Variants in ZBTB20 observed in about 807,000 individuals in gnomAD.
ZBTB20 encodes zinc finger and BTB domain-containing protein 20.
A neutral mutation model predicts 56.9 loss-of-function variants in ZBTB20; 9 were observed. That is an observed-to-expected ratio of 0.16 (90% CI 0.10 to 0.28). The LOEUF is 0.28. Among genes scored for constraint, ZBTB20 ranks in the 10% least tolerant of loss-of-function variants. The pLI is 1.00. For missense variants in ZBTB20, 655 were observed against 1,003.0 expected (o/e 0.65, Z 4.69); for synonymous variants, 417 against 420.7 (o/e 0.99, Z 0.11).
chr3:114,453,388 A>G (rs1478252861), intron 7 of ZBTB20, among the ~76,000 whole-genome samples: 1 of 152,152 alleles, frequency 6.6e-6, no homozygotes, highest in East Asian at 1.9e-4. Flanking sequence ...AATAACTGAC[A>G]AGTGACACAA....
In ZBTB20 at chr3:114,351,804, C is replaced by T; in HGVS notation, c.274G>A (p.Glu92Lys). ...NLHNFSNSVL[E>K]TLNEQRNRGH... ...CGGTTGCGCTGCTCGTTGAGGGTCT[C>T]GAGCACGGAATTGCTGAAGTTGTGA... Residue 92 changes from glutamate to lysine, a missense_variant, in exon 11 of 12, where the codon GAG becomes AAG. Glu to Lys is a moderately conservative substitution (Grantham distance 56, BLOSUM62 1). Coordinates refer to ENST00000675478, the MANE Select transcript of ZBTB20 (RefSeq NM_001348800.3). 4.4e-6 allele frequency: 7 copies of T among 1,607,826 alleles called. No individual in the cohort carries two copies. Among genetic ancestry groups the T allele is most frequent in the Non-Finnish European group, 6.0e-6 (7 of 1,174,720 alleles).
rs147140279 is a variant in ZBTB20, at chr3:114,702,335, G to A, written c.-342-8760C>T. On this transcript the variant is annotated intron_variant, in intron 5 of 11. Transcript: ENST00000675478. ...TGCACTCCAGTCTGAGCGAGAGAAC[G>A]AGACCCTGTCTCAAACCCTCCACCC... Among the ~76,000 whole-genome samples the A allele has an allele frequency of 6.3e-3, 958 of 152,264 alleles. 11 individuals carry two copies. The highest frequency in any genetic ancestry group is 0.022 in the African/African-American group (904 of 41,562).
intron 5 of ZBTB20, among the ~76,000 whole-genome samples, chr3:114,702,945 C>A (rs1012637993): frequency 9.9e-5 from 15 of 151,194 alleles, no homozygotes; most frequent in Admixed American, 9.9e-4. Context: ...GAAAAGTATA[C>A]TCCATTTTAT....
chr3:115,013,612 AC>A (rs1353093380), intron 2 of ZBTB20, among the ~76,000 whole-genome samples: 1 of 151,690 alleles, frequency 6.6e-6, no homozygotes, highest in Non-Finnish European at 1.5e-5. Flanking sequence ...TTTAAAGAAC[AC>A]CCAATCCTAC....
intron 5 of ZBTB20, among the ~76,000 whole-genome samples, chr3:114,729,811 T>G (rs1269574074): frequency 6.7e-6 from 1 of 149,350 alleles, no homozygotes; most frequent in Non-Finnish European, 1.5e-5. Flanking sequence ...TTTCTTTTAA[T>G]TTTTTTTTTA....
At chr3:114,682,295 C>T (rs1408762150) in intron 6 of ZBTB20, among the ~76,000 whole-genome samples, 4 of 152,184 alleles carry the variant, frequency 2.6e-5, no homozygotes, top group Non-Finnish European at 5.9e-5. Flanking sequence ...CAAATTACTT[C>T]TAGACGATTG....
chr3:114,980,996 T>TC (rs1339268791), intron 2 of ZBTB20, among the ~76,000 whole-genome samples: 1 of 152,030 alleles, frequency 6.6e-6, no homozygotes, highest in African/African-American at 2.4e-5. Context: ...TATAATTTTA[T>TC]CTTTCACTTA....
chr3:114,665,448 T>C (rs2060993432), intron 6 of ZBTB20, among the ~76,000 whole-genome samples: 1 of 151,992 alleles, frequency 6.6e-6, no homozygotes, highest in Non-Finnish European at 1.5e-5. Context: ...TGTATCCCCA[T>C]CATCAAGTGA....
chr3:114,648,045 A>C (rs992064827), intron 6 of ZBTB20, among the ~76,000 whole-genome samples: 7 of 152,008 alleles, frequency 4.6e-5, no homozygotes, highest in African/African-American at 1.7e-4. Flanking sequence ...ATTTTAACTA[A>C]ATTATTTTAC....
chr3:114,884,882 C>A (rs2076543777), intron 4 of ZBTB20, among the ~76,000 whole-genome samples: 1 of 152,172 alleles, frequency 6.6e-6, no homozygotes, highest in African/African-American at 2.4e-5. Flanking sequence ...TCAAAAACCC[C>A]TGTAGCTCCT....
At chr3:114,934,414 C>T (rs1459145051) in intron 3 of ZBTB20, among the ~76,000 whole-genome samples, 2 of 152,178 alleles carry the variant, frequency 1.3e-5, no homozygotes, top group Non-Finnish European at 2.9e-5. Flanking sequence ...TTTTCCTCCT[C>T]CTTTACCTCC....
At chr3:114,760,870 G>A (rs892987680) in intron 5 of ZBTB20, among the ~76,000 whole-genome samples, 2 of 150,868 alleles carry the variant, frequency 1.3e-5, no homozygotes, top group African/African-American at 5.0e-5. Context: ...AATCATATTT[G>A]CATGACTGTT....
chr3:115,006,814 T>A (rs1426775933), intron 2 of ZBTB20, among the ~76,000 whole-genome samples: 1 of 151,806 alleles, frequency 6.6e-6, no homozygotes, highest in Non-Finnish European at 1.5e-5. Context: ...AATATTTGTT[T>A]AGCGTTTTGG....
In ZBTB20 at chr3:114,647,496, T is replaced by C. The variant is rs116948060; in HGVS notation, c.-295+46032A>G. ...AAAAGTCCAAAGTGAGGTTAGCTTC[T>C]GACCAAAACTTTTGGCAATTTCCTT... On this transcript the variant is annotated intron_variant, in intron 6 of 11. Transcript: ENST00000675478. 1.7e-4 allele frequency among the ~76,000 whole-genome samples: 26 copies of C among 152,326 alleles called. 1 individual carries two copies. In the East Asian group the frequency reaches 4.6e-3, roughly 27 times the overall value.
chr3:114,614,784 C>T (rs2057807896), intron 6 of ZBTB20, among the ~76,000 whole-genome samples: 1 of 152,074 alleles, frequency 6.6e-6, no homozygotes. Context: ...CGGAGTCTTG[C>T]TCGGTCGCCC....
intron 1 of ZBTB20, among the ~76,000 whole-genome samples, chr3:115,122,662 T>A (rs1576810903): frequency 6.6e-6 from 1 of 152,256 alleles, no homozygotes; most frequent in South Asian, 2.1e-4. Flanking sequence ...AACATTTGTC[T>A]ATGAAGACTT....
At chr3:114,879,496 C>T (rs536302030) in intron 4 of ZBTB20, among the ~76,000 whole-genome samples, 9 of 152,270 alleles carry the variant, frequency 5.9e-5, no homozygotes, top group African/African-American at 9.6e-5. Context: ...CCGAAAACCA[C>T]GGCTTAGTTC....
intron 5 of ZBTB20, among the ~76,000 whole-genome samples, chr3:114,750,794 G>C (rs2067500685): frequency 6.6e-6 from 1 of 152,172 alleles, no homozygotes; most frequent in African/African-American, 2.4e-5. Flanking sequence ...GCTTTAAAAT[G>C]CTTCCAATTA....
At chr3:115,072,507 A>T (rs1357295843) in intron 1 of ZBTB20, among the ~76,000 whole-genome samples, 1 of 152,166 alleles carries the variant, frequency 6.6e-6, no homozygotes, top group East Asian at 1.9e-4. Flanking sequence ...GAGTCATAAG[A>T]ACCTGCCATA....
Sources: allele counts gnomAD v4.1 joint callset (sites outside exome capture counted in the v4.1 genomes callset), GRCh38; gene constraint gnomAD v4.1.1; transcripts MANE v1.5; gene names NCBI Gene and HGNC (gene_info 2026-07-23, HGNC 2026-07-21).